SYNC: variants seen among roughly 807,000 people sequenced by gnomAD.
The protein encoded by SYNC is syncoilin.
Under a neutral mutation model 49.5 loss-of-function variants are expected in SYNC, and 38 were observed. The ratio of observed to expected loss-of-function variants is 0.77; its 90% CI spans 0.59 to 1.01. The LOEUF (loss-of-function observed/expected upper bound fraction) is 1.01, where lower values mean the gene tolerates loss of function less well. Among genes scored for constraint, SYNC ranks in the 50% least tolerant of loss-of-function variants. The pLI, the probability that SYNC is intolerant of heterozygous loss-of-function variation, is 0.00. For missense variants in SYNC, 579 were observed against 580.6 expected (o/e 1.00, Z 0.03); for synonymous variants, 201 against 230.8 (o/e 0.87, Z 1.17).
chr1:32,701,270 A>C (rs1650659029), intron 1 of SYNC, among the ~76,000 whole-genome samples: 1 of 152,154 alleles, frequency 6.6e-6, no homozygotes, highest in South Asian at 2.1e-4. Context: ...AGCCCTGCTC[A>C]AACTTCATCT....
intron 1 of SYNC, among the ~76,000 whole-genome samples, chr1:32,697,438 CAAA>C (rs113573501): frequency 1.8e-5 from 2 of 113,950 alleles, no homozygotes; most frequent in African/African-American, 6.4e-5. Context: ...AACTCCGTCT[CAAA>C]AAAAAAAAAA....
chr1:32,681,725 G>C lies in SYNC; in HGVS notation c.*125C>G, dbSNP rs1649448708. 2.7e-6 allele frequency: 4 copies of C among 1,509,262 alleles called. No individual in the cohort carries two copies. In the African/African-American group the frequency reaches 5.5e-5, roughly 21 times the overall value. 93.5% of individuals were successfully genotyped at this position (1,509,262 alleles called of 1,614,324 possible). On this transcript the variant is annotated 3_prime_UTR_variant, in exon 5 of 5. Coordinates refer to ENST00000409190, the MANE Select transcript of SYNC (RefSeq NM_030786.3). The stretch of plus-strand genomic sequence containing the variant: ...CAGCCAGTATTTGCAACTTCCACAG[G>C]ATGAATTGCTTGCCAAGTTTCTGGC...
chr1:32,697,831 A>G (rs1650501633), intron 1 of SYNC, among the ~76,000 whole-genome samples: 3 of 152,092 alleles, frequency 2.0e-5, no homozygotes. Context: ...TGTGACACAA[A>G]TGACAGCTTT....
Position 32,702,601 on chromosome 1 carries a change from G to A in SYNC, c.53+7C>T, listed in dbSNP as rs1246909622. ...GGGGCGGCGACGCGGGCCCGGCACT[G>A]TCCTACCTCGCGGCCTGGGCGGCGC... On this transcript the variant is annotated splice_region_variant and intron_variant, in intron 1 of 4. Transcript: ENST00000409190. The surrounding 1 kb of genome is among the most constrained non-coding windows in gnomAD (Gnocchi z 6.2). The A allele has an allele frequency of 6.5e-6, 8 of 1,224,592 alleles. No individual in the cohort carries two copies. Among genetic ancestry groups the A allele is most frequent in the Admixed American group, 4.2e-5 (1 of 23,558 alleles). 75.9% of individuals were successfully genotyped at this position (1,224,592 alleles called of 1,614,324 possible). A position where few individuals can be genotyped will look rare whatever the true frequency, so the allele number is the denominator to read the frequency against.
intron 2 of SYNC, among the ~76,000 whole-genome samples, chr1:32,688,411 G>T (rs930981453): frequency 2.6e-5 from 4 of 152,106 alleles, no homozygotes; most frequent in Non-Finnish European, 5.9e-5. Flanking sequence ...GCCCAGGCTG[G>T]GGTAGTCATG....
At chr1:32,694,226 G>C (rs1407927473) in intron 2 of SYNC, among the ~76,000 whole-genome samples, 1 of 152,114 alleles carries the variant, frequency 6.6e-6, no homozygotes, top group East Asian at 1.9e-4. Flanking sequence ...GGGCATGTTG[G>C]TGCACAGTTG....
intron 2 of SYNC, among the ~76,000 whole-genome samples, chr1:32,687,833 A>AATTATTATT (rs148661520): frequency 0.011 from 406 of 38,230 alleles, 6 homozygotes; most frequent in East Asian, 0.08. Flanking sequence ...CTGCCCAGTG[A>AATTATTATT]ATTATTATTA....
At chr1:32,683,124 A>C (rs974110701) in intron 4 of SYNC, 2 of 152,122 alleles carry the variant, frequency 1.3e-5, no homozygotes, top group Non-Finnish European at 2.9e-5. Flanking sequence ...CTACTAAAAT[A>C]CAAAAAAATT....
At chr1:32,682,074 T>C in intron 4 of SYNC, 1 of 548,074 alleles carries the variant, frequency 1.8e-6, no homozygotes, top group Non-Finnish European at 3.2e-6. Context: ...GGTTAACTTC[T>C]TACAGGTATA....
chr1:32,684,305 C>G lies in SYNC; in HGVS notation c.1311G>C (p.Glu437Asp). The change falls in exon 3 of 5, where the codon GAG becomes GAC. Residue 437 changes from glutamate (E) to aspartate (D), a missense_variant. Glu to Asp is a conservative substitution (Grantham distance 45). Transcript: ENST00000409190. Reference sequence around the variant, plus strand: ...CAAGACTGAGCCTTAGCTGTTCCATCTCTTTGTTCTTCTGTTGCTGGAGTT... The same window carrying G: ...CAAGACTGAGCCTTAGCTGTTCCATGTCTTTGTTCTTCTGTTGCTGGAGTT... ...GVQLQQQKNKEMEQLRLSLAE... is the reference protein window; with the variant it reads ...GVQLQQQKNKDMEQLRLSLAE... 2 of 1,614,202 alleles carry G rather than the reference C, an allele frequency of 1.2e-6. No individual in the cohort carries two copies. Among genetic ancestry groups the G allele is most frequent in the African/African-American group, 1.3e-5 (1 of 75,066 alleles).
intron 4 of SYNC, chr1:32,683,714 A>C: frequency 3.2e-6 from 1 of 309,058 alleles, no homozygotes; most frequent in South Asian, 3.6e-5. Flanking sequence ...ACTCACTGCA[A>C]CCTCTGCCTC....
At chr1:32,688,342 G>A (rs1649993093) in intron 2 of SYNC, among the ~76,000 whole-genome samples, 1 of 152,024 alleles carries the variant, frequency 6.6e-6, no homozygotes, top group African/African-American at 2.4e-5. Flanking sequence ...GAATTATTTT[G>A]TGTAAAGAAC....
At chr1:32,683,925 G>T in intron 4 of SYNC, 85 bp downstream of exon 4, 1 of 1,387,210 alleles carries the variant, frequency 7.2e-7, no homozygotes. Context: ...GAGCCACCCC[G>T]TCCGGCCTGT....
intron 2 of SYNC, among the ~76,000 whole-genome samples, chr1:32,693,896 G>A (rs1650279425): frequency 6.6e-6 from 1 of 152,244 alleles, no homozygotes; most frequent in Admixed American, 6.5e-5. Context: ...TTGAGCCCAG[G>A]ATTTCAAGAC....
intron 1 of SYNC, among the ~76,000 whole-genome samples, chr1:32,698,716 T>C (rs1650547323): frequency 1.3e-5 from 2 of 152,014 alleles, no homozygotes. Context: ...GGGAGTGTTC[T>C]CTTGCTGCTT....
At chr1:32,686,586 G>A (rs946361909) in intron 2 of SYNC, among the ~76,000 whole-genome samples, 2 of 152,296 alleles carry the variant, frequency 1.3e-5, no homozygotes, top group East Asian at 1.9e-4. Flanking sequence ...GTTATCTGTC[G>A]CACACTAAGG....
upstream of SYNC, chr1:32,703,004 G>C (rs1430788910): frequency 6.5e-6 from 1 of 154,174 alleles, no homozygotes; most frequent in African/African-American, 2.4e-5. Context: ...TCAGAAGGGG[G>C]GTCTGAAGCC....
In SYNC at chr1:32,687,855, A is replaced by ATTATTATTATTATTATTATTATTATTATT. The variant is rs71006359; in HGVS notation, c.1234-3474_1234-3473insAATAATAATAATAATAATAATAATAATAA. ...GTGAATTATTATTATTATTATTATT[A>ATTATTATTATTATTATTATTATTATTATT]TTATTATTTTTTGAGATGGAGTCTT... On this transcript the variant is annotated intron_variant, in intron 2 of 4. Transcript: ENST00000409190. Among the ~76,000 whole-genome samples the ATTATTATTATTATTATTATTATTATTATT allele has an allele frequency of 9.9e-3, 1,345 of 135,450 alleles. 25 individuals carry two copies. The highest frequency in any genetic ancestry group is 0.016 in the East Asian group (76 of 4,646). 88.9% of individuals were successfully genotyped at this position (135,450 alleles called of 152,430 possible). A position where few individuals can be genotyped will look rare whatever the true frequency, so the allele number is the denominator to read the frequency against.
Position 32,687,222 on chromosome 1 carries a change from G to A in SYNC, c.1234-2840C>T, listed in dbSNP as rs1376392937. Among the ~76,000 whole-genome samples the A allele has an allele frequency of 5.3e-5, 8 of 151,896 alleles. No individual in the cohort carries two copies. The East Asian group carries it at 1.2e-3, about 22-fold the overall frequency. On this transcript the variant is annotated intron_variant, in intron 2 of 4. Coordinates refer to ENST00000409190, the MANE Select transcript of SYNC (RefSeq NM_030786.3). Reference sequence around the variant, plus strand: ...TAAAAATACAAAAAATTAGCCGGGCGTGGTGGCAGGTGCCTGTAATCTCAG... The same window carrying A: ...TAAAAATACAAAAAATTAGCCGGGCATGGTGGCAGGTGCCTGTAATCTCAG...
Sources: gnomAD v4.1 joint callset for allele counts (sites outside exome capture counted in the v4.1 genomes callset) on GRCh38, gnomAD v4.1.1 for gene constraint, Gnocchi (gnomAD v3.1) non-coding constraint, MANE v1.5 for transcripts, NCBI Gene and HGNC (gene_info 2026-07-23, HGNC 2026-07-21) for gene names.